The following PEX14 variants were observed in gnomAD, a reference collection of about 807,000 sequenced individuals.
PEX14 encodes peroxisomal biogenesis factor 14.
In PEX14, 15 loss-of-function variants were observed where a neutral mutation model predicts 49.5. That is an observed-to-expected ratio of 0.30 (90% CI 0.20 to 0.47). PEX14 has a LOEUF of 0.47. Ranked by LOEUF, PEX14 falls within the 20% of genes least tolerant of loss-of-function variation. PEX14 has a pLI of 1.00. For synonymous variants in PEX14, 210 were observed against 212.7 expected (o/e 0.99, Z 0.11); for missense variants, 398 against 494.8 (o/e 0.80, Z 1.86).
intron 3 of PEX14, among the ~76,000 whole-genome samples, chr1:10,546,521 G>A (rs948769507): frequency 8.1e-5 from 11 of 135,024 alleles, no homozygotes; most frequent in African/African-American, 1.1e-4. Flanking sequence ...CTGAGATTGC[G>A]CCATTGCACT....
At chr1:10,503,252 A>AGCC (rs753596397) in intron 2 of PEX14, among the ~76,000 whole-genome samples, 11 of 127,964 alleles carry the variant, frequency 8.6e-5, no homozygotes, top group Non-Finnish European at 1.1e-4. Context: ...ACTGCACTCC[A>AGCC]GCCTGGGCAA....
intron 2 of PEX14, among the ~76,000 whole-genome samples, chr1:10,516,406 C>T (rs1039304255): frequency 6.6e-6 from 1 of 152,268 alleles, no homozygotes; most frequent in African/African-American, 2.4e-5. Context: ...GCTGTGGGAC[C>T]CACTAGGTTT....
At chr1:10,489,922 G>GTTTT (rs1641441786) in intron 1 of PEX14, among the ~76,000 whole-genome samples, 1 of 152,220 alleles carries the variant, frequency 6.6e-6, no homozygotes, top group African/African-American at 2.4e-5. Context: ...ACACACAGTG[G>GTTTT]TTTTATTTAT....
chr1:10,535,886 G>A (rs1166203962), intron 2 of PEX14: 19 of 377,824 alleles, frequency 5.0e-5, no homozygotes, highest in Middle Eastern at 9.0e-4. Context: ...CAAGGGCGGC[G>A]ACATGGGTGC....
chr1:10,624,470 C>CCCT, intron 7 of PEX14, 33 bp downstream of exon 7: 1 of 1,414,990 alleles, frequency 7.1e-7, no homozygotes. Context: ...GCCCTCCAGG[C>CCCT]CCAGGTCTGT....
intron 1 of PEX14, among the ~76,000 whole-genome samples, chr1:10,479,952 A>C (rs1409094362): frequency 6.6e-6 from 1 of 152,166 alleles, no homozygotes; most frequent in Non-Finnish European, 1.5e-5. Context: ...CACGATGATC[A>C]CATATGTGAA....
chr1:10,527,230 A>G (rs1475165110), intron 2 of PEX14, among the ~76,000 whole-genome samples: 3 of 133,526 alleles, frequency 2.2e-5, no homozygotes, highest in African/African-American at 7.8e-5. Flanking sequence ...AAAAAAAGAA[A>G]ATTTGTGGGC....
rs552502325 is a variant in PEX14 at position 10,623,838 on chromosome 1, G to A, written c.488-502G>A. Reference sequence around the variant, plus strand: ...TGGCAACAAGGTCCTGAGGGGTCACGGGACACCAGGGAGTTGAGCAGGCAG... The same window carrying A: ...TGGCAACAAGGTCCTGAGGGGTCACAGGACACCAGGGAGTTGAGCAGGCAG... On this transcript the variant is annotated intron_variant, in intron 6 of 8. Transcript: ENST00000356607. The surrounding 1 kb of genome is among the most constrained non-coding windows in gnomAD (Gnocchi z 4.4). 3.3e-5 allele frequency among the ~76,000 whole-genome samples: 5 copies of A among 152,198 alleles called. No homozygotes were observed. Among genetic ancestry groups the A allele is most frequent in the Non-Finnish European group, 5.9e-5 (4 of 68,024 alleles).
chr1:10,492,995 G>A (rs1641496580), intron 1 of PEX14, among the ~76,000 whole-genome samples: 1 of 152,166 alleles, frequency 6.6e-6, no homozygotes, highest in Non-Finnish European at 1.5e-5. Context: ...GCTTCCCTGA[G>A]GAAGTGTCTT....
At chr1:10,577,583 T>G (rs1228395622) in intron 3 of PEX14, among the ~76,000 whole-genome samples, 42 of 18,024 alleles carry the variant, frequency 2.3e-3, no homozygotes, top group African/African-American at 7.8e-3. Flanking sequence ...TTTTTTTTTT[T>G]TTTTTTTTTT....
chr1:10,545,105 A>G (rs1367310384), intron 3 of PEX14, among the ~76,000 whole-genome samples: 2 of 152,150 alleles, frequency 1.3e-5, no homozygotes, highest in African/African-American at 2.4e-5. Flanking sequence ...GGAATTATAC[A>G]GTGTGTAATT....
At chr1:10,522,274 C>T (rs955288304) in intron 2 of PEX14, among the ~76,000 whole-genome samples, 3 of 152,218 alleles carry the variant, frequency 2.0e-5, no homozygotes, top group Non-Finnish European at 2.9e-5. Flanking sequence ...AGCAGTCTAT[C>T]CTGATTCCTC....
chr1:10,507,336 C>T (rs1557817169), intron 2 of PEX14, among the ~76,000 whole-genome samples: 1 of 152,264 alleles, frequency 6.6e-6, no homozygotes, highest in Non-Finnish European at 1.5e-5. Flanking sequence ...GCTGCACAAA[C>T]GTATCTTCAG....
rs764273994 is a variant in PEX14 at position 10,618,326 on chromosome 1, C to T, written c.299-6C>T. 13 of 1,613,264 alleles carry T rather than the reference C, an allele frequency of 8.1e-6. No homozygotes were observed. In the African/African-American group the frequency reaches 1.7e-4, roughly 22 times the overall value. On this transcript the variant is annotated splice_polypyrimidine_tract_variant and splice_region_variant and intron_variant, in intron 4 of 8. Transcript: ENST00000356607. ...CTTCTAACCCTCCTCCTCTTCCCGC[C>T]TGTAGGTCCCGCAGGCTCCCGATGG...
chr1:10,610,083 A>T (rs1252153655), intron 4 of PEX14, among the ~76,000 whole-genome samples: 1 of 148,088 alleles, frequency 6.8e-6, no homozygotes, highest in East Asian at 1.9e-4. Context: ...TAATTTATAT[A>T]TGCATTTCTA....
At chr1:10,525,261 T>C (rs1638437301) in intron 2 of PEX14, among the ~76,000 whole-genome samples, 2 of 152,120 alleles carry the variant, frequency 1.3e-5, no homozygotes. Flanking sequence ...GGGTACAATC[T>C]GATGATGGCT....
At chr1:10,562,760 C>T (rs987435215) in intron 3 of PEX14, among the ~76,000 whole-genome samples, 6 of 152,102 alleles carry the variant, frequency 3.9e-5, no homozygotes, top group East Asian at 3.9e-4. Context: ...GGAGATACTT[C>T]GATCCTTCGA....
chr1:10,623,311 G>T lies in PEX14; in HGVS notation c.487+190G>T. 1.7e-6 allele frequency: 1 copy of T among 588,714 alleles called. No individual in the cohort carries two copies. The highest frequency in any genetic ancestry group is 2.5e-5 in the Admixed American group (1 of 39,914). 36.5% of individuals were successfully genotyped at this position (588,714 alleles called of 1,614,324 possible). ...ATTTGAAATTGCTTGTTTACTGTCG[G>T]CGCGGCCTCAATTAATTATGTTTTT... On this transcript the variant is annotated intron_variant, in intron 6 of 8. Transcript: ENST00000356607. This position sits in a 1 kb window ranked among gnomAD's most constrained non-coding sequence, Gnocchi z 4.4.
At chr1:10,551,128 A>G (rs971189973) in intron 3 of PEX14, among the ~76,000 whole-genome samples, 21 of 152,196 alleles carry the variant, frequency 1.4e-4, no homozygotes, top group Admixed American at 1.0e-3. Context: ...ACATTACACA[A>G]TCTTCTAGAG....
Sources: allele counts gnomAD v4.1 joint callset (sites outside exome capture counted in the v4.1 genomes callset), GRCh38; gene constraint gnomAD v4.1.1; non-coding constraint Gnocchi (gnomAD v3.1); transcripts MANE v1.5; gene names NCBI Gene and HGNC (gene_info 2026-07-23, HGNC 2026-07-21).